The following PTPRT variants were observed in gnomAD, a reference collection of about 807,000 sequenced individuals.
PTPRT encodes the protein protein tyrosine phosphatase receptor type T.
PTPRT carries 56 observed loss-of-function variants against 176.8 expected under a neutral mutation model. The observed-to-expected ratio is 0.32, with a 90% CI of 0.26 to 0.40. The LOEUF (loss-of-function observed/expected upper bound fraction) is 0.40. PTPRT is among the 10% of genes least tolerant of loss of function. The pLI, the probability that PTPRT is intolerant of heterozygous loss-of-function variation, is 1.00. For synonymous variants in PTPRT, 783 were observed against 739.0 expected, an observed-to-expected ratio of 1.06 and a Z score of -0.96; for missense variants, 1,540 against 1,908.2, an observed-to-expected ratio of 0.81 and a Z score of 3.60.
In PTPRT at chr20:42,078,888, C is replaced by T. The variant is rs1399724874; in HGVS notation, c.*1991G>A. The T allele has an allele frequency of 1.7e-5, 3 of 175,432 alleles. No individual in the cohort carries two copies. The highest frequency in any genetic ancestry group is 3.7e-5 in the Non-Finnish European group (3 of 81,426). The allele number at this position is 175,432 out of a possible 1,614,324, so 10.9% of individuals were successfully genotyped here. On this transcript the variant is annotated 3_prime_UTR_variant, in exon 31 of 31. Transcript: ENST00000373187. ...CCGAGGCCGAAGAGACTTTCTTGCTCCTAGGCTCATGGAACACTCATCCAC... is the reference window on the plus strand; with the variant it reads ...CCGAGGCCGAAGAGACTTTCTTGCTTCTAGGCTCATGGAACACTCATCCAC...
intron 6 of PTPRT, among the ~76,000 whole-genome samples, chr20:42,755,107 G>A (rs950697726): frequency 1.3e-5 from 2 of 152,206 alleles, no homozygotes; most frequent in African/African-American, 4.8e-5. Flanking sequence ...CCACCAGGAA[G>A]GGAGGTGTGG....
chr20:43,043,992 A>C (rs1467458321), intron 1 of PTPRT, among the ~76,000 whole-genome samples: 1 of 152,008 alleles, frequency 6.6e-6, no homozygotes, highest in African/African-American at 2.4e-5. Context: ...ATGCTGGCCT[A>C]AGGGAGTCCC....
intron 1 of PTPRT, among the ~76,000 whole-genome samples, chr20:43,159,974 G>C (rs1284405776): frequency 6.7e-6 from 1 of 149,834 alleles, no homozygotes; most frequent in Non-Finnish European, 1.5e-5. Flanking sequence ...GACCCAGAAA[G>C]GAGTCAATCC....
At chr20:43,084,688 C>G (rs558219015) in intron 1 of PTPRT, among the ~76,000 whole-genome samples, 1 of 152,062 alleles carries the variant, frequency 6.6e-6, no homozygotes, top group South Asian at 2.1e-4. Flanking sequence ...GTTGTTACAT[C>G]CATTCTAGTG....
chr20:42,803,242 C>T (rs942709824), intron 2 of PTPRT, among the ~76,000 whole-genome samples: 2 of 152,366 alleles, frequency 1.3e-5, no homozygotes, highest in Non-Finnish European at 2.9e-5. Context: ...GATACATCAA[C>T]GTCATGGGGA....
At chr20:43,006,235 A>C (rs1288155841) in intron 1 of PTPRT, among the ~76,000 whole-genome samples, 1 of 152,228 alleles carries the variant, frequency 6.6e-6, no homozygotes, top group Non-Finnish European at 1.5e-5. Context: ...AAATTAATAA[A>C]AGAGGTCACT....
rs925514429 is a variant in PTPRT, at chr20:42,074,083, T to C, written c.*6796A>G. The C allele has an allele frequency of 1.1e-4, 25 of 229,642 alleles. No homozygotes were observed. Among genetic ancestry groups the C allele is most frequent in the African/African-American group, 4.9e-4 (22 of 45,144 alleles). The allele number at this position is 229,642 out of a possible 1,614,324, so 14.2% of individuals were successfully genotyped here. ...AGAATCTGCAGAGCTATGGAAGATA[T>C]GGACACCATATTCTGCCTGACCCCT... On this transcript the variant is annotated 3_prime_UTR_variant, in exon 31 of 31. Coordinates refer to ENST00000373187, the MANE Select transcript of PTPRT (RefSeq NM_007050.6).
rs61532865 is a variant in PTPRT, at chr20:42,870,954, C to CTT, written c.214+14851_214+14852dup. On this transcript the variant is annotated intron_variant, in intron 2 of 30. Coordinates refer to ENST00000373187, the MANE Select transcript of PTPRT (RefSeq NM_007050.6). ...AGTGATGCTAAACATATTTTCTTTTCTTTTTTTTTTTTTTGAGATAGAGGC... is the reference window on the plus strand; with the variant it reads ...AGTGATGCTAAACATATTTTCTTTTCTTTTTTTTTTTTTTTTGAGATAGAGGC... Among the ~76,000 whole-genome samples the CTT allele has an allele frequency of 7.1e-3, 1,002 of 140,406 alleles. 13 individuals are homozygous for CTT. The highest frequency in any genetic ancestry group is 0.025 in the African/African-American group (954 of 38,410). The allele number at this position is 140,406 out of a possible 152,430, so 92.1% of individuals were successfully genotyped here. A position where few individuals can be genotyped will look rare whatever the true frequency, so the allele number is the denominator to read the frequency against.
chr20:42,658,246 TG>T (rs1361381055), intron 7 of PTPRT, among the ~76,000 whole-genome samples: 1 of 152,364 alleles, frequency 6.6e-6, no homozygotes, highest in Non-Finnish European at 1.5e-5. Context: ...TGTGTGTTTC[TG>T]TTTAAAGACA....
intron 1 of PTPRT, among the ~76,000 whole-genome samples, chr20:43,087,356 G>A (rs112022281): frequency 3.5e-5 from 1 of 28,658 alleles, no homozygotes; most frequent in Admixed American, 3.6e-4. Context: ...TGTTCACACT[G>A]TCCGTCCTTT....
chr20:42,803,585 G>A lies in PTPRT; in HGVS notation c.215-12119C>T, dbSNP rs551317811. Among the ~76,000 whole-genome samples the A allele has an allele frequency of 5.3e-5, 8 of 152,232 alleles. No homozygotes were observed. The South Asian group carries it at 8.3e-4, about 16-fold the overall frequency. ...TATTTATTTTTTGAGAAGGAGTCTCGCTCTGTTGCCCAGGATGGAGTACAG... is the reference window on the plus strand; with the variant it reads ...TATTTATTTTTTGAGAAGGAGTCTCACTCTGTTGCCCAGGATGGAGTACAG... On this transcript the variant is annotated intron_variant, in intron 2 of 30. Transcript: ENST00000373187.
chr20:43,117,396 C>T (rs919358398), intron 1 of PTPRT, among the ~76,000 whole-genome samples: 7 of 152,130 alleles, frequency 4.6e-5, no homozygotes. Flanking sequence ...AATCTGTTAT[C>T]AGGAGTCAAC....
intron 7 of PTPRT, among the ~76,000 whole-genome samples, chr20:42,578,600 CCTCT>C (rs1422381714): frequency 6.6e-6 from 1 of 152,194 alleles, no homozygotes; most frequent in African/African-American, 2.4e-5. Context: ...GGCCTAGACT[CCTCT>C]CTTTTTCTCA....
At chr20:42,975,993 C>T (rs1982923571) in intron 1 of PTPRT, among the ~76,000 whole-genome samples, 1 of 151,384 alleles carries the variant, frequency 6.6e-6, no homozygotes, top group African/African-American at 2.4e-5. Flanking sequence ...CATGCATTCT[C>T]TCCTCCTTTA....
At chr20:43,183,800 C>T (rs1467100939) in intron 1 of PTPRT, among the ~76,000 whole-genome samples, 1 of 152,244 alleles carries the variant, frequency 6.6e-6, no homozygotes. Context: ...TCTCTTACAT[C>T]CAGCTTCTTT....
intron 8 of PTPRT, among the ~76,000 whole-genome samples, chr20:42,467,903 C>T (rs1415309135): frequency 2.0e-5 from 3 of 152,136 alleles, no homozygotes; most frequent in East Asian, 1.9e-4. Context: ...TATGTCTATC[C>T]GTGCCTAGCA....
chr20:43,174,465 G>A (rs957902911), intron 1 of PTPRT, among the ~76,000 whole-genome samples: 5 of 152,086 alleles, frequency 3.3e-5, no homozygotes, highest in Admixed American at 6.6e-5. Flanking sequence ...TTATTCCTCC[G>A]ATTTTCAGTT....
chr20:42,515,128 T>C (rs561491877), intron 7 of PTPRT, among the ~76,000 whole-genome samples: 1 of 152,176 alleles, frequency 6.6e-6, no homozygotes, highest in Non-Finnish European at 1.5e-5. Flanking sequence ...TCCAATAATC[T>C]ATCTCTCTAT....
chr20:42,458,340 T>G (rs2145882037), intron 8 of PTPRT, among the ~76,000 whole-genome samples: 1 of 152,274 alleles, frequency 6.6e-6, no homozygotes, highest in Non-Finnish European at 1.5e-5. Context: ...TGATCAAGGG[T>G]TGAAGCCACA....
Sources: gnomAD v4.1 joint callset for allele counts (sites outside exome capture counted in the v4.1 genomes callset) on GRCh38, gnomAD v4.1.1 for gene constraint, MANE v1.5 for transcripts, NCBI Gene and HGNC (gene_info 2026-07-23, HGNC 2026-07-21) for gene names.